LHCGR: variants seen among roughly 807,000 people sequenced by gnomAD.
LHCGR encodes lutropin-choriogonadotropic hormone receptor.
Under a neutral mutation model 60.7 loss-of-function variants are expected in LHCGR, and 55 were observed. That is an observed-to-expected ratio of 0.91 (90% confidence interval 0.73 to 1.13). The LOEUF is 1.13. Ranked by LOEUF, LHCGR falls within the 50% of genes most tolerant of loss-of-function variation. The probability of loss-of-function intolerance (pLI) is 0.00; values close to 1 mark genes in which losing one functional copy is unlikely to be tolerated. For missense variants in LHCGR, 862 were observed against 836.0 expected (o/e 1.03, Z -0.38); for synonymous variants, 337 against 316.5 (o/e 1.06, Z -0.69).
At chr2:48,723,262 T>G (rs1428232729) in intron 6 of LHCGR, among the ~76,000 whole-genome samples, 194 bp downstream of exon 6, 1 of 152,222 alleles carries the variant, frequency 6.6e-6, no homozygotes, top group East Asian at 1.9e-4. Flanking sequence ...CTGAATTGGT[T>G]GGTTGGTTGT....
chr2:48,732,204 A>G (rs1243743523), intron 1 of LHCGR, among the ~76,000 whole-genome samples: 1 of 152,244 alleles, frequency 6.6e-6, no homozygotes, highest in African/African-American at 2.4e-5. Flanking sequence ...GCCAACATTT[A>G]TTGAGTATCT....
chr2:48,716,932 G>C (rs985505398), intron 6 of LHCGR, among the ~76,000 whole-genome samples: 1 of 152,160 alleles, frequency 6.6e-6, no homozygotes, highest in African/African-American at 2.4e-5. Flanking sequence ...GAAACTAATA[G>C]TGGTATCCAA....
chr2:48,731,603 C>T (rs1181242163), intron 1 of LHCGR, among the ~76,000 whole-genome samples: 1 of 152,148 alleles, frequency 6.6e-6, no homozygotes, highest in African/African-American at 2.4e-5. Flanking sequence ...GTTATTTAAG[C>T]CCTCCAGCTC....
chr2:48,709,555 T>C (rs1667876560), intron 7 of LHCGR, among the ~76,000 whole-genome samples: 1 of 152,146 alleles, frequency 6.6e-6, no homozygotes, highest in Non-Finnish European at 1.5e-5. Context: ...TCTCTGTGGG[T>C]GAGAAAGAGG....
chr2:48,725,870 C>A (rs1668696659), intron 3 of LHCGR, 120 bp from the exon 4 acceptor site: 1 of 783,840 alleles, frequency 1.3e-6, no homozygotes, highest in Non-Finnish European at 2.2e-6. Context: ...AGCAGGCGAC[C>A]TTCATATGCT....
chr2:48,709,992 T>C (rs548678131), intron 7 of LHCGR, among the ~76,000 whole-genome samples: 2 of 152,302 alleles, frequency 1.3e-5, no homozygotes, highest in Admixed American at 6.5e-5. Flanking sequence ...CTACCGTTGA[T>C]GTGATGATTT....
chr2:48,744,935 C>G lies in LHCGR; in HGVS notation c.161+10576G>C, dbSNP rs1318643123. On this transcript the variant is annotated intron_variant, in intron 1 of 10. Transcript: ENST00000294954. ...CCTACAAAATGGGAGAAAATTTTCA[C>G]AACCTACTCATCTGACAAAGGGCTA... 2.6e-5 allele frequency among the ~76,000 whole-genome samples: 4 copies of G among 152,252 alleles called. No individual in the cohort carries two copies. The East Asian group carries it at 7.7e-4, about 29-fold the overall frequency.
chr2:48,728,845 T>A (rs1437144772), intron 3 of LHCGR, among the ~76,000 whole-genome samples: 6 of 152,122 alleles, frequency 3.9e-5, no homozygotes, highest in African/African-American at 1.4e-4. Flanking sequence ...TTTCCCACTA[T>A]CCCAAGTACT....
intron 6 of LHCGR, among the ~76,000 whole-genome samples, chr2:48,717,750 T>G (rs1384038363): frequency 6.6e-6 from 1 of 151,776 alleles, no homozygotes; most frequent in African/African-American, 2.4e-5. Flanking sequence ...CTGCACTAAA[T>G]GTACTCACGT....
chr2:48,712,899 A>G (rs942713506), intron 7 of LHCGR, among the ~76,000 whole-genome samples: 6 of 152,152 alleles, frequency 3.9e-5, no homozygotes, highest in African/African-American at 1.2e-4. Flanking sequence ...TCTGAAGTCT[A>G]TTCTTTTAGC....
At chr2:48,725,218 A>G (rs1035849572) in intron 4 of LHCGR, among the ~76,000 whole-genome samples, 4 of 152,224 alleles carry the variant, frequency 2.6e-5, no homozygotes, top group African/African-American at 9.6e-5. Flanking sequence ...ACCTTAAGGC[A>G]ATACTTAAAA....
In LHCGR at chr2:48,755,630, C is replaced by G; in HGVS notation, c.42G>C (p.Leu14=). The change falls in exon 1 of 11, where the codon CTG becomes CTC. Residue 14 remains leucine, a synonymous_variant. Transcript: ENST00000294954. ...RFSALQLLKL[L]LLLQPPLPRA... ...GTGGCAGCGGCGGCTGCAGCAGCAG[C>G]AGCAGCTTCAGCAGCTGCAGCGCCG... 6.5e-7 allele frequency: 1 copy of G among 1,535,562 alleles called. No individual in the cohort carries two copies. Among genetic ancestry groups the G allele is most frequent in the South Asian group, 1.2e-5 (1 of 83,908 alleles).
At chr2:48,710,917 A>T (rs1020860179) in intron 7 of LHCGR, among the ~76,000 whole-genome samples, 1 of 152,154 alleles carries the variant, frequency 6.6e-6, no homozygotes, top group African/African-American at 2.4e-5. Context: ...AAACTCTTTA[A>T]TGGGTGACCT....
intron 1 of LHCGR, among the ~76,000 whole-genome samples, chr2:48,733,868 T>C (rs1669107403): frequency 6.6e-6 from 1 of 152,228 alleles, no homozygotes; most frequent in Non-Finnish European, 1.5e-5. Flanking sequence ...TAATAAAGTT[T>C]ATGATTTGTT....
Position 48,687,818 on chromosome 2 carries a change from G to C in LHCGR, c.1979C>G (p.Thr660Ser), listed in dbSNP as rs763095877. The change falls in exon 11 of 11, where the codon ACC becomes AGC. Residue 660 changes from threonine to serine, a missense_variant. By Grantham distance (58) the Thr-to-Ser change is moderately conservative (BLOSUM62 1). Coordinates refer to ENST00000294954, the MANE Select transcript of LHCGR (RefSeq NM_000233.4). ...LYRRKDFSAY[T>S]SNCKNGFTGS... ...AGTGAAGCCATTTTTGCAGTTGGAG[G>C]TGTAAGCTGAAAAATCTTTCCTTCT... 6.2e-7 allele frequency: 1 copy of C among 1,614,162 alleles called. No individual in the cohort carries two copies. Among genetic ancestry groups the C allele is most frequent in the Non-Finnish European group, 8.5e-7 (1 of 1,180,010 alleles).
At chr2:48,698,436 T>G (rs1313689530) in intron 9 of LHCGR, among the ~76,000 whole-genome samples, 179 bp downstream of exon 9, 1 of 152,222 alleles carries the variant, frequency 6.6e-6, no homozygotes, top group African/African-American at 2.4e-5. Context: ...GGTAGCAGTT[T>G]CCACAAGGAA....
chr2:48,750,861 G>A (rs966105212), intron 1 of LHCGR, among the ~76,000 whole-genome samples: 5 of 152,218 alleles, frequency 3.3e-5, no homozygotes, highest in African/African-American at 1.2e-4. Flanking sequence ...ACTTTTGGTT[G>A]TCACAATTTG....
At position 48,688,223 on chromosome 2, in the gene LHCGR, T is replaced by C; in HGVS notation, c.1574A>G (p.Gln525Arg). The C allele has an allele frequency of 6.2e-7, 1 of 1,614,106 alleles. No homozygotes were observed. Among genetic ancestry groups the C allele is most frequent in the South Asian group, 1.1e-5 (1 of 91,084 alleles). ...AATCAGGATGGTTAATATATAGACT[T>C]GTGAGAGAGTGGTTTCCACATCCAT... ...FPMDVETTLS[Q>R]VYILTILILN... Residue 525 changes from glutamine (Q) to arginine (R), a missense_variant, in exon 11 of 11, where the codon CAA becomes CGA. By Grantham distance (43) the Gln-to-Arg change is conservative. Transcript: ENST00000294954. This position sits in a 1 kb window ranked among gnomAD's most constrained non-coding sequence, Gnocchi z 5.2.
At chr2:48,705,465 G>A (rs1369804428) in intron 8 of LHCGR, among the ~76,000 whole-genome samples, 1 of 152,150 alleles carries the variant, frequency 6.6e-6, no homozygotes, top group Non-Finnish European at 1.5e-5. Flanking sequence ...GTGTCTCATT[G>A]ATCTGCCTAG....
Sources: gnomAD v4.1 joint callset for allele counts (sites outside exome capture counted in the v4.1 genomes callset) on GRCh38, gnomAD v4.1.1 for gene constraint, Gnocchi (gnomAD v3.1) non-coding constraint, MANE v1.5 for transcripts, NCBI Gene and HGNC (gene_info 2026-07-23, HGNC 2026-07-21) for gene names.